Variants in TEX29 observed in about 807,000 individuals in gnomAD.
TEX29 encodes testis expressed 29.
In TEX29, 26 loss-of-function variants were observed where a neutral mutation model predicts 18.2. The ratio of observed to expected loss-of-function variants is 1.43; its 90% CI spans 1.04 to 1.98. The LOEUF is 1.98. Among genes scored for constraint, TEX29 ranks in the 30% most tolerant of loss-of-function variants. The probability of loss-of-function intolerance (pLI) is 0.00; values close to 1 mark genes in which losing one functional copy is unlikely to be tolerated. For missense variants in TEX29, 177 were observed against 194.2 expected, an observed-to-expected ratio of 0.91 and a Z score of 0.53; for synonymous variants, 83 against 78.5, an observed-to-expected ratio of 1.06 and a Z score of -0.31.
upstream of TEX29, among the ~76,000 whole-genome samples, chr13:111,320,457 C>T (rs995358094): frequency 1.8e-4 from 27 of 152,196 alleles, no homozygotes; most frequent in Admixed American, 2.6e-4. Context: ...TCCCCAGCAG[C>T]GTCTTGCCCC....
intron 2 of TEX29, among the ~76,000 whole-genome samples, chr13:111,326,359 G>C (rs1253455329): frequency 3.7e-4 from 55 of 149,392 alleles, no homozygotes; most frequent in African/African-American, 1.2e-3. Flanking sequence ...GCTGGTGGGT[G>C]TCTGGTGGGG....
chr13:111,328,647 C>T (rs577984673), intron 3 of TEX29, among the ~76,000 whole-genome samples: 86 of 152,228 alleles, frequency 5.6e-4, no homozygotes, highest in African/African-American at 1.9e-3. Context: ...CATGGGGCGC[C>T]GGCAGGGCCC....
intron 2 of TEX29, among the ~76,000 whole-genome samples, chr13:111,322,533 T>A (rs1250617587): frequency 6.6e-6 from 1 of 152,148 alleles, no homozygotes; most frequent in Non-Finnish European, 1.5e-5. Flanking sequence ...TGGAGGCTGG[T>A]GCCACTTCTC....
intron 3 of TEX29, among the ~76,000 whole-genome samples, chr13:111,335,345 A>G (rs2093688136): frequency 6.6e-6 from 1 of 152,160 alleles, no homozygotes; most frequent in East Asian, 1.9e-4. Context: ...CTTACTTGAG[A>G]GATCTTTTTG....
intron 3 of TEX29, among the ~76,000 whole-genome samples, chr13:111,330,916 A>G (rs1488709599): frequency 6.6e-6 from 1 of 152,186 alleles, no homozygotes; most frequent in Admixed American, 6.5e-5. Flanking sequence ...TGTCCACTGT[A>G]TAGGTATGCC....
chr13:111,319,340 G>T (rs184070433), upstream of TEX29, among the ~76,000 whole-genome samples: 86 of 152,328 alleles, frequency 5.6e-4, 1 homozygote, highest in East Asian at 9.4e-3. Context: ...ACAGACGAAT[G>T]ACTAAGCGAA....
chr13:111,320,974 C>CGGG, intron 2 of TEX29, 26 bp downstream of exon 2: 4 of 165,104 alleles, frequency 2.4e-5, no homozygotes, highest in East Asian at 9.2e-5. Flanking sequence ...GCCAGGGGGG[C>CGGG]GGGTGGGGTG....
chr13:111,321,880 T>C (rs747882348), intron 2 of TEX29, among the ~76,000 whole-genome samples: 1 of 152,184 alleles, frequency 6.6e-6, no homozygotes, highest in Non-Finnish European at 1.5e-5. Flanking sequence ...GCTGAGATTG[T>C]GCCACTCCAC....
intron 5 of TEX29, 147 bp downstream of exon 5, chr13:111,343,078 T>G: frequency 1.0e-6 from 1 of 989,170 alleles, no homozygotes; most frequent in Non-Finnish European, 1.4e-6. Context: ...AATTGTAATG[T>G]ACCCAACATT....
intron 5 of TEX29, 49 bp from the exon 6 acceptor site, chr13:111,344,034 T>C: frequency 1.4e-6 from 2 of 1,470,740 alleles, no homozygotes; most frequent in Non-Finnish European, 1.9e-6. Context: ...TTTTCGGGAC[T>C]GCTGAATATT....
chr13:111,328,169 CTG>C lies in TEX29; in HGVS notation c.59-11_59-10del, dbSNP rs759134662. 6.4e-7 allele frequency: 1 copy of C among 1,567,004 alleles called. No homozygotes were observed. Among genetic ancestry groups the C allele is most frequent in the East Asian group, 2.2e-5 (1 of 44,488 alleles). On this transcript the variant is annotated splice_polypyrimidine_tract_variant and intron_variant, in intron 2 of 5. Transcript: ENST00000283547. ...TTTCGGGGGTGACACTTGTGTATGT[CTG>C]TGCTTTTGCAGTGTGTGACGTTCCT...
At chr13:111,319,945 G>A (rs571539330), upstream of TEX29, among the ~76,000 whole-genome samples, 21 of 152,236 alleles carry the variant, frequency 1.4e-4, 1 homozygote, top group African/African-American at 2.9e-4. Context: ...TCCATTTCTC[G>A]CACAAAATCT....
At position 111,340,081 on chromosome 13, in the gene TEX29, C is replaced by T. The variant is rs1595693227; in HGVS notation, c.239+149C>T. On this transcript the variant is annotated intron_variant, in intron 4 of 5. Transcript: ENST00000283547. Reference sequence around the variant, plus strand: ...CCGTGAGCCTGGGAAAGGGAACTGGCCAGGCTCACGGAGGGCCCCACTGAT... The same window carrying T: ...CCGTGAGCCTGGGAAAGGGAACTGGTCAGGCTCACGGAGGGCCCCACTGAT... 12 of 695,344 alleles carry T rather than the reference C, an allele frequency of 1.7e-5. No individual in the cohort carries two copies. The South Asian group carries it at 1.7e-4, about 10-fold the overall frequency. 43.1% of individuals were successfully genotyped at this position (695,344 alleles called of 1,614,324 possible).
Position 111,320,866 on chromosome 13 carries a change from GC to G in TEX29, c.-21del. 1 of 1,612,432 alleles carries G rather than the reference GC, an allele frequency of 6.2e-7. No homozygotes were observed. Among genetic ancestry groups the G allele is most frequent in the South Asian group, 1.1e-5 (1 of 91,054 alleles). On this transcript the variant is annotated 5_prime_UTR_variant, in exon 2 of 6. Coordinates refer to ENST00000283547, the MANE Select transcript of TEX29 (RefSeq NM_152324.3). ...CTCTCCTGTTTTCCAGGTGTGCTCG[GC>G]CCCTTCATCTGTCAGCTGCAGCAAT... is the stretch of plus-strand genomic sequence containing the variant.
intron 3 of TEX29, among the ~76,000 whole-genome samples, chr13:111,338,884 G>T (rs1443539441): frequency 6.6e-6 from 1 of 152,234 alleles, no homozygotes; most frequent in African/African-American, 2.4e-5. Flanking sequence ...GAGGAATGAT[G>T]CTCGTGTACA....
rs750880539 is a variant in TEX29 at position 111,342,753 on chromosome 13, CAG to C, written c.240_241del. 14 of 1,613,344 alleles carry C rather than the reference CAG, an allele frequency of 8.7e-6. No homozygotes were observed. In the South Asian group the frequency reaches 1.4e-4, roughly 16 times the overall value. On this transcript the variant is annotated splice_acceptor_variant, in intron 4 of 5. Transcript: ENST00000283547. LOFTEE classifies it high-confidence loss of function. Reference sequence around the variant, plus strand: ...GACTGTGATAAAACCCTCTTCCCATCAGAGTCATTCAGGAGAGCAGGAAAGAA... The same window carrying C: ...GACTGTGATAAAACCCTCTTCCCATCAGTCATTCAGGAGAGCAGGAAAGAA...
intron 3 of TEX29, among the ~76,000 whole-genome samples, chr13:111,334,399 T>C (rs1223706157): frequency 2.0e-5 from 3 of 152,258 alleles, no homozygotes; most frequent in Non-Finnish European, 1.5e-5. Flanking sequence ...AGACTTTGCA[T>C]AGGGGTTCTG....
At chr13:111,334,549 A>T (rs1286038440) in intron 3 of TEX29, among the ~76,000 whole-genome samples, 1 of 152,262 alleles carries the variant, frequency 6.6e-6, no homozygotes, top group Non-Finnish European at 1.5e-5. Context: ...TGCAAAGCCC[A>T]CAGCACTGGA....
At chr13:111,343,729 T>C (rs2093700395) in intron 5 of TEX29, among the ~76,000 whole-genome samples, 1 of 152,146 alleles carries the variant, frequency 6.6e-6, no homozygotes, top group Non-Finnish European at 1.5e-5. Flanking sequence ...ACAGGGACCA[T>C]CAGGAAAATC....
Sources: gnomAD v4.1 joint callset for allele counts (sites outside exome capture counted in the v4.1 genomes callset) on GRCh38, gnomAD v4.1.1 for gene constraint, MANE v1.5 for transcripts, NCBI Gene and HGNC (gene_info 2026-07-23, HGNC 2026-07-21) for gene names.